WSCD1: variants seen among roughly 807,000 people sequenced by gnomAD.
The protein encoded by WSCD1 is sialate:O-sulfotransferase 1.
A neutral mutation model predicts 60.4 loss-of-function variants in WSCD1; 41 were observed. That is an observed-to-expected ratio of 0.68 (90% confidence interval 0.53 to 0.88). The LOEUF (loss-of-function observed/expected upper bound fraction) is 0.88. Ranked by LOEUF, WSCD1 falls within the 40% of genes least tolerant of loss-of-function variation. WSCD1 has a pLI of 0.00. For missense variants in WSCD1, 784 were observed against 796.2 expected (o/e 0.98, Z 0.18); for synonymous variants, 361 against 332.5 (o/e 1.09, Z -0.93).
chr17:6,112,803 A>C (rs959486621), intron 7 of WSCD1, among the ~76,000 whole-genome samples: 3 of 152,220 alleles, frequency 2.0e-5, no homozygotes, highest in African/African-American at 7.2e-5. Context: ...AGGACACACA[A>C]AAAAATGGAA....
In WSCD1 at chr17:6,095,094, TC is replaced by T. The variant is rs758295441; in HGVS notation, c.728-3del. The T allele has an allele frequency of 3.1e-6, 5 of 1,604,950 alleles. No homozygotes were observed. Among genetic ancestry groups the T allele is most frequent in the Non-Finnish European group, 4.3e-6 (5 of 1,176,350 alleles). On this transcript the variant is annotated splice_region_variant and splice_polypyrimidine_tract_variant and intron_variant, in intron 4 of 8. Transcript: ENST00000317744. ...TCTCTTACCAGAAACCCCTCTCTTT[TC>T]CCCCAGGGCGGACCGCCACCTACCG...
At chr17:6,098,425 C>T (rs1910588967) in intron 5 of WSCD1, among the ~76,000 whole-genome samples, 1 of 152,254 alleles carries the variant, frequency 6.6e-6, no homozygotes. Context: ...CACGCAGGCT[C>T]TTGGTGTCTT....
chr17:6,080,485 C>A lies in WSCD1; in HGVS notation c.-174C>A. 2 of 642,146 alleles carry A rather than the reference C, an allele frequency of 3.1e-6. No homozygotes were observed. Among genetic ancestry groups the A allele is most frequent in the Non-Finnish European group, 5.3e-6 (2 of 375,172 alleles). The allele number at this position is 642,146 out of a possible 1,614,324, so 39.8% of individuals were successfully genotyped here. On this transcript the variant is annotated 5_prime_UTR_variant, in exon 2 of 9. Coordinates refer to ENST00000317744, the MANE Select transcript of WSCD1 (RefSeq NM_015253.2). This position sits in a 1 kb window ranked among gnomAD's most constrained non-coding sequence, Gnocchi z 6.6. ...GGCCACTGGAGATAAGTAATGGTGC[C>A]ATTTGAACACCTACTGGAAACGGGG... is the stretch of plus-strand genomic sequence containing the variant.
At chr17:6,087,148 C>T (rs188377288) in intron 2 of WSCD1, among the ~76,000 whole-genome samples, 435 of 152,300 alleles carry the variant, frequency 2.9e-3, no homozygotes, top group Non-Finnish European at 4.9e-3. Context: ...AACACTGGTG[C>T]GCGTGACATT....
At chr17:6,069,448 A>C (rs984071837), upstream of WSCD1, 10 of 340,694 alleles carry the variant, frequency 2.9e-5, no homozygotes, top group Non-Finnish European at 4.0e-5. Context: ...AGAGAGAGAG[A>C]GAGCCTGTGG....
At position 6,080,937 on chromosome 17, in the gene WSCD1, C is replaced by T. The variant is rs1909213196; in HGVS notation, c.279C>T (p.Thr93=). Residue 93 remains threonine (T), a synonymous_variant, in exon 2 of 9, where the codon ACC becomes ACT. Coordinates refer to ENST00000317744, the MANE Select transcript of WSCD1 (RefSeq NM_015253.2). The surrounding 1 kb of genome is among the most constrained non-coding windows in gnomAD (Gnocchi z 6.6). ...LGVDMLQSPL[T]RPRPGPRWLR... is the part of the protein sequence containing the mutation. ...TGGACATGCTGCAGAGCCCCCTGAC[C>T]CGGCCCCGGCCCGGCCCCCGCTGGC... The T allele has an allele frequency of 6.4e-7, 1 of 1,571,564 alleles. No individual in the cohort carries two copies. The highest frequency in any genetic ancestry group is 8.6e-7 in the Non-Finnish European group (1 of 1,163,294).
At chr17:6,081,700 G>A (rs1173776472) in intron 2 of WSCD1, among the ~76,000 whole-genome samples, 1 of 150,802 alleles carries the variant, frequency 6.6e-6, no homozygotes, top group Non-Finnish European at 1.5e-5. Flanking sequence ...AGGAGACTCT[G>A]TCTCAAAAAA....
chr17:6,110,868 C>T lies in WSCD1; in HGVS notation c.1107C>T (p.His369=), dbSNP rs74858033. Residue 369 remains histidine (H), a synonymous_variant, in exon 7 of 9, where the codon CAC becomes CAT. Transcript: ENST00000317744. This position sits in a 1 kb window ranked among gnomAD's most constrained non-coding sequence, Gnocchi z 4.8. ...FPGAGNTWAR[H]LIEHATGFYT... is the part of the protein sequence containing the mutation. Reference sequence around the variant, plus strand: ...GAGCCGGGAACACATGGGCACGGCACCTCATTGAGCATGCCACTGGCTTCT... The same window carrying T: ...GAGCCGGGAACACATGGGCACGGCATCTCATTGAGCATGCCACTGGCTTCT... 0.012 allele frequency: 19,187 copies of T among 1,613,854 alleles called. 158 individuals are homozygous for T. Among genetic ancestry groups the T allele is most frequent in the Non-Finnish European group, 0.014 (17,039 of 1,179,822 alleles).
chr17:6,089,748 G>T lies in WSCD1; in HGVS notation c.543-573G>T, dbSNP rs538904286. Reference sequence around the variant, plus strand: ...GTCGCATACTGAGAACCAGCTTACAGGCACATCACAGATTTAGACCCATTA... The same window carrying T: ...GTCGCATACTGAGAACCAGCTTACATGCACATCACAGATTTAGACCCATTA... On this transcript the variant is annotated intron_variant, in intron 3 of 8. Coordinates refer to ENST00000317744, the MANE Select transcript of WSCD1 (RefSeq NM_015253.2). 2.6e-5 allele frequency among the ~76,000 whole-genome samples: 4 copies of T among 152,298 alleles called. No individual in the cohort carries two copies. In the South Asian group the frequency reaches 8.3e-4, roughly 32 times the overall value.
In WSCD1 at chr17:6,080,775, C is replaced by A; in HGVS notation, c.117C>A (p.Arg39=). Residue 39 remains arginine (R), a synonymous_variant, in exon 2 of 9, where the codon CGC becomes CGA. Coordinates refer to ENST00000317744, the MANE Select transcript of WSCD1 (RefSeq NM_015253.2). This position sits in a 1 kb window ranked among gnomAD's most constrained non-coding sequence, Gnocchi z 6.6. ...GCCTGCTGCTGCTGCAGCGGGTCCG[C>A]GTGGCTCTCCCACAGGGCCCCCGGG... ...TGSLLLLQRV[R]VALPQGPRAP... The A allele has an allele frequency of 1.9e-6, 3 of 1,611,782 alleles. No homozygotes were observed. The highest frequency in any genetic ancestry group is 1.7e-6 in the Non-Finnish European group (2 of 1,179,396).
intron 5 of WSCD1, among the ~76,000 whole-genome samples, chr17:6,097,542 G>A (rs116191703): frequency 0.013 from 1,969 of 152,284 alleles, 44 homozygotes; most frequent in African/African-American, 0.042. Context: ...CTCACGTCGC[G>A]ACACAAAGTG....
intron 2 of WSCD1, among the ~76,000 whole-genome samples, chr17:6,082,807 G>A (rs1294075919): frequency 2.0e-5 from 3 of 152,152 alleles, no homozygotes; most frequent in Non-Finnish European, 2.9e-5. Context: ...GGAGGGCCAC[G>A]AGTGCCAGGC....
chr17:6,094,854 G>GGAAGGAAGGGAGGGAGGGAGGA (rs1910315505), intron 4 of WSCD1, among the ~76,000 whole-genome samples: 6 of 152,204 alleles, frequency 3.9e-5, no homozygotes, highest in African/African-American at 9.6e-5. Flanking sequence ...AGCAAGAGCT[G>GGAAGGAAGGGAGGGAGGGAGGA]AGCGCTGCAG....
At chr17:6,111,453 C>T (rs60254714) in intron 7 of WSCD1, among the ~76,000 whole-genome samples, 6,850 of 152,254 alleles carry the variant, frequency 0.045, 201 homozygotes, top group Middle Eastern at 0.071. Flanking sequence ...GTAATCCTAA[C>T]ACTTTGGGAG....
upstream of WSCD1, among the ~76,000 whole-genome samples, chr17:6,069,773 C>T (rs1270180701): frequency 1.8e-5 from 2 of 109,604 alleles, no homozygotes; most frequent in Non-Finnish European, 3.7e-5. Context: ...GACGGTGATC[C>T]GGTGTGTGTG....
chr17:6,088,044 CTG>C lies in WSCD1; in HGVS notation c.486_487del (p.Phe163LeufsTer2). The C allele has an allele frequency of 6.2e-7, 1 of 1,614,178 alleles. No homozygotes were observed. Among genetic ancestry groups the C allele is most frequent in the Non-Finnish European group, 8.5e-7 (1 of 1,180,018 alleles). On this transcript the variant is annotated frameshift_variant, in exon 3 of 9. Transcript: ENST00000317744. LOFTEE classifies it high-confidence loss of function. ...GGCCACGAGAGGACTCTGAAAGGAGCTGTGTTTTATGACTTGAGAAAGATGAC... is the reference window on the plus strand; with the variant it reads ...GGCCACGAGAGGACTCTGAAAGGAGCTGTTTTATGACTTGAGAAAGATGAC...
Position 6,080,712 on chromosome 17 carries a change from G to A in WSCD1, c.54G>A (p.Leu18=), listed in dbSNP as rs755813368. Residue 18 remains leucine, a synonymous_variant, in exon 2 of 9, where the codon CTG becomes CTA. Transcript: ENST00000317744. The surrounding 1 kb of genome is among the most constrained non-coding windows in gnomAD (Gnocchi z 6.6). ...AGTTTCTCCGCCGAACACAGTTCCT[G>A]CTGTTCTTCCTCACGGCTGCCTACC... ...LQKFLRRTQF[L]LFFLTAAYLM... is the part of the protein sequence containing the mutation. 8.7e-6 allele frequency: 14 copies of A among 1,613,630 alleles called. No individual in the cohort carries two copies. The highest frequency in any genetic ancestry group is 1.2e-5 in the Non-Finnish European group (14 of 1,179,926).
rs368498173 is a variant in WSCD1, at chr17:6,120,681, C to T, written c.*20C>T. On this transcript the variant is annotated 3_prime_UTR_variant, in exon 9 of 9. Transcript: ENST00000317744. ...AGATGATAGGCCTGGCCCACGCCGCCGCCCCCGCTGAGTGACGCAATCGCA... is the reference window on the plus strand; with the variant it reads ...AGATGATAGGCCTGGCCCACGCCGCTGCCCCCGCTGAGTGACGCAATCGCA... 841 of 1,589,678 alleles carry T rather than the reference C, an allele frequency of 5.3e-4. No homozygotes were observed. Among genetic ancestry groups the T allele is most frequent in the Non-Finnish European group, 6.6e-4 (773 of 1,166,138 alleles).
chr17:6,108,072 C>T (rs1911198962), intron 5 of WSCD1, among the ~76,000 whole-genome samples: 1 of 152,066 alleles, frequency 6.6e-6, no homozygotes, highest in Non-Finnish European at 1.5e-5. Flanking sequence ...CTTATAAGAA[C>T]AGCCTGACAG....
Sources: allele counts gnomAD v4.1 joint callset (sites outside exome capture counted in the v4.1 genomes callset), GRCh38; gene constraint gnomAD v4.1.1; non-coding constraint Gnocchi (gnomAD v3.1); transcripts MANE v1.5; gene names NCBI Gene and HGNC (gene_info 2026-07-23, HGNC 2026-07-21).